The following ZNF385D variants were observed in gnomAD, a reference collection of about 807,000 sequenced individuals.
ZNF385D encodes the protein zinc finger protein 659.
In ZNF385D, 15 loss-of-function variants were observed where a neutral mutation model predicts 35.8. The ratio of observed to expected loss-of-function variants is 0.42; its 90% CI spans 0.28 to 0.64. ZNF385D has a LOEUF of 0.64. Ranked by LOEUF, ZNF385D falls within the 30% of genes least tolerant of loss-of-function variation. ZNF385D has a pLI of 0.23. For missense variants in ZNF385D, 474 were observed against 494.6 expected (o/e 0.96, Z 0.39); for synonymous variants, 212 against 186.8 (o/e 1.13, Z -1.10).
intron 2 of ZNF385D, among the ~76,000 whole-genome samples, chr3:21,574,918 G>C (rs976844296): frequency 2.6e-5 from 4 of 152,034 alleles, no homozygotes; most frequent in Non-Finnish European, 5.9e-5. Context: ...ACTCCTTGTT[G>C]TTTTCTTTTG....
intron 2 of ZNF385D, among the ~76,000 whole-genome samples, chr3:22,300,967 C>T (rs1702868570): frequency 6.6e-6 from 1 of 151,988 alleles, no homozygotes; most frequent in South Asian, 2.1e-4. Context: ...ATCAGTTTGT[C>T]AAAGAGACAT....
At chr3:21,442,905 G>GTGTA (rs1701938935) in intron 4 of ZNF385D, among the ~76,000 whole-genome samples, 1 of 151,768 alleles carries the variant, frequency 6.6e-6, no homozygotes. Context: ...GTGTGTGTGT[G>GTGTA]TGTGTGTGTG....
intron 2 of ZNF385D, among the ~76,000 whole-genome samples, chr3:22,283,614 C>T (rs1701879243): frequency 6.6e-6 from 1 of 152,112 alleles, no homozygotes; most frequent in Non-Finnish European, 1.5e-5. Context: ...TAGCTGTGTG[C>T]AGCTTTGAGC....
In ZNF385D at chr3:22,048,911, G is replaced by A. The variant is rs551682685; in HGVS notation, c.325+119906C>T. Among the ~76,000 whole-genome samples the A allele has an allele frequency of 5.3e-5, 8 of 152,122 alleles. No individual in the cohort carries two copies. In the South Asian group the frequency reaches 1.7e-3, roughly 32 times the overall value. ...TCTTTTCATTTGTCTGTATCTTGTT[G>A]TATTTCTTTCATTCATGTTTTATAA... is the stretch of plus-strand genomic sequence containing the variant. On this transcript the variant is annotated intron_variant, in intron 3 of 5. Transcript: ENST00000494108.
chr3:22,188,513 G>C lies in ZNF385D; in HGVS notation c.107-19478C>G, dbSNP rs141838477. 1.0e-3 allele frequency among the ~76,000 whole-genome samples: 152 copies of C among 151,690 alleles called. 1 individual carries two copies. In the East Asian group the frequency reaches 0.025, roughly 25 times the overall value. ...TGCCCAGGCTGGAGTCCAGTGGCGC[G>C]ATCTCTGCTCACTGCAAGCTCCGCT... On this transcript the variant is annotated intron_variant, in intron 2 of 5. Transcript: ENST00000494108.
intron 2 of ZNF385D, among the ~76,000 whole-genome samples, chr3:22,219,207 CA>C (rs1213724400): frequency 6.6e-6 from 1 of 152,126 alleles, no homozygotes; most frequent in Non-Finnish European, 1.5e-5. Context: ...TTATTTGTCA[CA>C]ATTTCTGTAA....
chr3:22,249,681 G>A (rs1428795911), intron 2 of ZNF385D, among the ~76,000 whole-genome samples: 1 of 152,166 alleles, frequency 6.6e-6, no homozygotes, highest in Non-Finnish European at 1.5e-5. Flanking sequence ...AAGAGCAACA[G>A]CAGCAATCAT....
intron 2 of ZNF385D, among the ~76,000 whole-genome samples, chr3:22,325,459 T>C (rs1288521130): frequency 2.6e-5 from 4 of 152,158 alleles, no homozygotes; most frequent in African/African-American, 7.2e-5. Context: ...TCAATGTATT[T>C]AATCTGTTAA....
Position 21,492,377 on chromosome 3 carries a change from G to T in ZNF385D, c.439+18484C>A, listed in dbSNP as rs553170645. Among the ~76,000 whole-genome samples the T allele has an allele frequency of 8.5e-3, 1,241 of 145,522 alleles. 7 individuals are homozygous for T. Among genetic ancestry groups the T allele is most frequent in the Non-Finnish European group, 0.013 (897 of 66,670 alleles). On this transcript the variant is annotated intron_variant, in intron 4 of 7. Coordinates refer to ENST00000281523, the MANE Select transcript of ZNF385D (RefSeq NM_024697.3). Reference sequence around the variant, plus strand: ...GGGTTTGCTTTACGGATTCTAAATGGTTTTTTATAAACAAACAAAAACAAA... The same window carrying T: ...GGGTTTGCTTTACGGATTCTAAATGTTTTTTTATAAACAAACAAAAACAAA...
intron 2 of ZNF385D, among the ~76,000 whole-genome samples, chr3:21,655,921 G>A (rs1212768130): frequency 6.6e-6 from 1 of 151,894 alleles, no homozygotes; most frequent in Non-Finnish European, 1.5e-5. Context: ...TAAAAATAAT[G>A]GGTATAAAAA....
intron 3 of ZNF385D, among the ~76,000 whole-genome samples, chr3:21,959,357 TA>T (rs1426776393): frequency 6.6e-6 from 1 of 152,106 alleles, no homozygotes; most frequent in East Asian, 1.9e-4. Context: ...TCCTTCAGGA[TA>T]TTTTTTTTTC....
intron 3 of ZNF385D, among the ~76,000 whole-genome samples, chr3:21,759,391 A>AGGGGGGAGGGATAGC (rs2070499315): frequency 1.4e-5 from 2 of 147,536 alleles, no homozygotes; most frequent in African/African-American, 5.4e-5. Flanking sequence ...ATCTTCAAGC[A>AGGGGGGAGGGATAGC]ATGTAAGGTT....
chr3:22,304,277 C>T (rs1463295094), intron 2 of ZNF385D, among the ~76,000 whole-genome samples: 2 of 152,106 alleles, frequency 1.3e-5, no homozygotes, highest in Admixed American at 6.6e-5. Flanking sequence ...GAGAACATTA[C>T]ACTTTATGAT....
chr3:21,629,312 G>T (rs2065217996), intron 2 of ZNF385D, among the ~76,000 whole-genome samples: 1 of 152,066 alleles, frequency 6.6e-6, no homozygotes, highest in African/African-American at 2.4e-5. Flanking sequence ...GTGGAGGTTG[G>T]GGCCTACAGA....
rs1700514474 is a variant in ZNF385D, at chr3:21,413,066, T to C, written c.*8148A>G. On this transcript the variant is annotated 3_prime_UTR_variant, in exon 8 of 8. Transcript: ENST00000281523. The stretch of plus-strand genomic sequence containing the variant: ...TCAAGAAAAAATAGTACTTTACTGG[T>C]ATACAAAGGGTAGTTCTTTGGGTTT... 2 of 151,982 alleles carry C rather than the reference T, an allele frequency of 1.3e-5. No homozygotes were observed. Among genetic ancestry groups the C allele is most frequent in the Non-Finnish European group, 2.9e-5 (2 of 67,960 alleles). 9.4% of individuals were successfully genotyped at this position (151,982 alleles called of 1,614,324 possible).
intron 3 of ZNF385D, among the ~76,000 whole-genome samples, chr3:22,128,409 T>G (rs1242011637): frequency 6.6e-6 from 1 of 152,210 alleles, no homozygotes; most frequent in Non-Finnish European, 1.5e-5. Context: ...AACCTTCTTG[T>G]AGCTGAATAT....
chr3:21,834,673 G>C (rs890359245), intron 3 of ZNF385D, among the ~76,000 whole-genome samples: 1 of 152,136 alleles, frequency 6.6e-6, no homozygotes, highest in African/African-American at 2.4e-5. Flanking sequence ...CATATCCTAA[G>C]TGACAGACTG....
intron 3 of ZNF385D, chr3:22,133,823 C>A (rs905696532): frequency 1.3e-5 from 2 of 151,848 alleles, no homozygotes; most frequent in Non-Finnish European, 2.9e-5. Context: ...TCTCCACAAA[C>A]AAAGCATCTG....
intron 3 of ZNF385D, among the ~76,000 whole-genome samples, chr3:21,866,510 A>C (rs1044031013): frequency 6.6e-6 from 1 of 152,140 alleles, no homozygotes; most frequent in East Asian, 1.9e-4. Context: ...ATCTACGGAT[A>C]TTGTTCTCAA....
Sources: allele counts gnomAD v4.1 joint callset (sites outside exome capture counted in the v4.1 genomes callset), GRCh38; gene constraint gnomAD v4.1.1; transcripts MANE v1.5; gene names NCBI Gene and HGNC (gene_info 2026-07-23, HGNC 2026-07-21).